The following PALLD variants were observed in gnomAD, a reference collection of about 807,000 sequenced individuals.
PALLD encodes the protein palladin.
In PALLD, 61 loss-of-function variants were observed where a neutral mutation model predicts 123.5. That is an observed-to-expected ratio of 0.49 (90% CI 0.40 to 0.61). PALLD has a LOEUF of 0.61. Among genes scored for constraint, PALLD ranks in the 20% least tolerant of loss-of-function variants. The probability of loss-of-function intolerance (pLI) is 0.00; values close to 1 mark genes in which losing one functional copy is unlikely to be tolerated. For missense variants in PALLD, 1,273 were observed against 1,377.0 expected (o/e 0.92, Z 1.20); for synonymous variants, 465 against 496.4 (o/e 0.94, Z 0.84).
intron 2 of PALLD, among the ~76,000 whole-genome samples, chr4:168,600,008 T>C (rs1204683352): frequency 6.8e-5 from 9 of 132,346 alleles, no homozygotes; most frequent in African/African-American, 8.8e-5. Flanking sequence ...CACACGTATA[T>C]ACATACATGT....
intron 10 of PALLD, among the ~76,000 whole-genome samples, chr4:168,826,898 T>G (rs866210157): frequency 1.7e-4 from 26 of 152,184 alleles, no homozygotes; most frequent in Admixed American, 1.3e-3. Context: ...CATGCTCTTT[T>G]CAGGACATGC....
chr4:168,533,237 A>G (rs954638042), intron 2 of PALLD, among the ~76,000 whole-genome samples: 1 of 152,164 alleles, frequency 6.6e-6, no homozygotes, highest in East Asian at 1.9e-4. Context: ...TATTTTAAAA[A>G]TATCTTTCCC....
intron 10 of PALLD, among the ~76,000 whole-genome samples, chr4:168,862,496 T>C (rs946345804): frequency 2.0e-5 from 3 of 152,206 alleles, no homozygotes; most frequent in African/African-American, 7.2e-5. Context: ...GGAACAGTCA[T>C]TGTGCTTTAA....
chr4:168,536,831 C>CTTTTT (rs11393140), intron 2 of PALLD, among the ~76,000 whole-genome samples: 2 of 144,428 alleles, frequency 1.4e-5, no homozygotes, highest in African/African-American at 5.1e-5. Flanking sequence ...AAGGTTCTCT[C>CTTTTT]TTTTTTTTTT....
At chr4:168,623,963 A>G (rs961956376) in intron 2 of PALLD, among the ~76,000 whole-genome samples, 1 of 152,348 alleles carries the variant, frequency 6.6e-6, no homozygotes, top group Admixed American at 6.5e-5. Context: ...AATAAGATAC[A>G]TGTTATTCAA....
chr4:168,890,019 G>A (rs944368026), intron 10 of PALLD, among the ~76,000 whole-genome samples: 6 of 152,162 alleles, frequency 3.9e-5, no homozygotes, highest in African/African-American at 7.2e-5. Flanking sequence ...TATGGGTAGC[G>A]ATAGGTCAAT....
At chr4:168,776,226 A>T (rs997359839) in intron 10 of PALLD, among the ~76,000 whole-genome samples, 1 of 152,216 alleles carries the variant, frequency 6.6e-6, no homozygotes, top group Non-Finnish European at 1.5e-5. Context: ...ATGAGTTTTC[A>T]GTGTAACAGG....
chr4:168,767,650 C>T (rs576132566), intron 10 of PALLD, among the ~76,000 whole-genome samples: 14 of 151,654 alleles, frequency 9.2e-5, no homozygotes, highest in Admixed American at 4.6e-4. Flanking sequence ...CGGGTTCAAG[C>T]GATTCTCCTG....
At position 168,579,992 on chromosome 4, in the gene PALLD, G is replaced by A. The variant is rs111377864; in HGVS notation, c.908+67580G>A. 3.4e-3 allele frequency among the ~76,000 whole-genome samples: 509 copies of A among 151,920 alleles called. 4 individuals carry two copies. The highest frequency in any genetic ancestry group is 0.011 in the African/African-American group (473 of 41,448). On this transcript the variant is annotated intron_variant, in intron 2 of 21. Transcript: ENST00000505667. ...TCCATTAAACCTCCAAAATTTATTC[G>A]TCCTGAAACTTTGTACCGTTTGACC...
intron 2 of PALLD, among the ~76,000 whole-genome samples, chr4:168,569,096 T>C (rs539497002): frequency 6.6e-6 from 1 of 152,252 alleles, no homozygotes; most frequent in Non-Finnish European, 1.5e-5. Flanking sequence ...GCTCTACAGA[T>C]GTTTACAAAA....
chr4:168,859,878 A>G (rs982285217), intron 10 of PALLD, among the ~76,000 whole-genome samples: 2 of 152,252 alleles, frequency 1.3e-5, no homozygotes, highest in East Asian at 3.8e-4. Context: ...ATGTTGTTTA[A>G]CCCAATATAT....
rs576748918 is a variant in PALLD, at chr4:168,646,592, G to A, written c.909-21598G>A. ...CTCCAGGTATCACTTGTGAAATGGT[G>A]CACAGGAGGCATCCAAGAATGAATC... On this transcript the variant is annotated intron_variant, in intron 2 of 21. Transcript: ENST00000505667. 4.6e-5 allele frequency among the ~76,000 whole-genome samples: 7 copies of A among 152,298 alleles called. No homozygotes were observed. In the South Asian group the frequency reaches 1.2e-3, roughly 27 times the overall value.
intron 10 of PALLD, among the ~76,000 whole-genome samples, chr4:168,767,592 G>T (rs1298034871): frequency 1.3e-5 from 2 of 148,292 alleles, no homozygotes; most frequent in African/African-American, 5.0e-5. Context: ...TTGTTGCCCA[G>T]GCTGGCCTGC....
At chr4:168,680,636 A>G (rs1341122852) in intron 3 of PALLD, among the ~76,000 whole-genome samples, 1 of 152,118 alleles carries the variant, frequency 6.6e-6, no homozygotes, top group Admixed American at 6.6e-5. Context: ...TCCTATAAGC[A>G]TGTATTATTA....
chr4:168,885,096 TTTC>T (rs969709672), intron 10 of PALLD, among the ~76,000 whole-genome samples: 30 of 152,368 alleles, frequency 2.0e-4, no homozygotes, highest in African/African-American at 5.5e-4. Flanking sequence ...TGACTCTGAA[TTTC>T]TTCTTCTTCT....
chr4:168,734,588 C>T (rs1787539096), intron 10 of PALLD, among the ~76,000 whole-genome samples: 1 of 152,166 alleles, frequency 6.6e-6, no homozygotes. Flanking sequence ...TTTCATCTGT[C>T]TTGCTCTGTC....
chr4:168,611,896 A>G (rs750259988), intron 2 of PALLD, among the ~76,000 whole-genome samples: 28 of 152,200 alleles, frequency 1.8e-4, no homozygotes, highest in Non-Finnish European at 4.4e-5. Flanking sequence ...GCCATGGCTC[A>G]TGCCTGTAAT....
intron 10 of PALLD, among the ~76,000 whole-genome samples, chr4:168,778,453 A>G (rs1168853538): frequency 6.6e-6 from 1 of 152,312 alleles, no homozygotes; most frequent in South Asian, 2.1e-4. Flanking sequence ...ATTTTAATAA[A>G]GTAGAGGCTT....
chr4:168,903,680 C>A (rs192019908), intron 14 of PALLD, 77 bp from the exon 15 acceptor site: 19 of 1,200,652 alleles, frequency 1.6e-5, no homozygotes, highest in Non-Finnish European at 2.2e-5. Context: ...GCAAACCACA[C>A]TGTTACTATT....
Sources: gnomAD v4.1 joint callset for allele counts (sites outside exome capture counted in the v4.1 genomes callset) on GRCh38, gnomAD v4.1.1 for gene constraint, MANE v1.5 for transcripts, NCBI Gene and HGNC (gene_info 2026-07-23, HGNC 2026-07-21) for gene names.